The following ASIC2 variants were observed in gnomAD, a reference collection of about 807,000 sequenced individuals.
ASIC2 encodes acid-sensing ion channel 2.
ASIC2 carries 25 observed loss-of-function variants against 57.3 expected under a neutral mutation model. That is an observed-to-expected ratio of 0.44 (90% CI 0.32 to 0.61). The LOEUF (loss-of-function observed/expected upper bound fraction) is 0.61. ASIC2 is among the 20% of genes least tolerant of loss of function. The pLI, the probability that ASIC2 is intolerant of heterozygous loss-of-function variation, is 0.06. For missense variants in ASIC2, 641 were observed against 738.1 expected (o/e 0.87, Z 1.52); for synonymous variants, 319 against 307.5 (o/e 1.04, Z -0.39).
chr17:33,276,180 A>G (rs1451454991), intron 1 of ASIC2, among the ~76,000 whole-genome samples: 1 of 152,208 alleles, frequency 6.6e-6, no homozygotes, highest in Non-Finnish European at 1.5e-5. Context: ...AAGGTACTCA[A>G]TAAATGTATG....
At chr17:33,630,081 C>T (rs1191321490) in intron 1 of ASIC2, among the ~76,000 whole-genome samples, 1 of 152,194 alleles carries the variant, frequency 6.6e-6, no homozygotes, top group Non-Finnish European at 1.5e-5. Flanking sequence ...CATCTCTCTA[C>T]TTTTCACACA....
At chr17:33,203,142 T>C (rs1174236942) in intron 1 of ASIC2, among the ~76,000 whole-genome samples, 1 of 152,226 alleles carries the variant, frequency 6.6e-6, no homozygotes, top group Non-Finnish European at 1.5e-5. Context: ...CCTTTCATCC[T>C]TACCCATAGC....
At chr17:33,347,457 C>T (rs1248555710) in intron 1 of ASIC2, among the ~76,000 whole-genome samples, 1 of 152,026 alleles carries the variant, frequency 6.6e-6, no homozygotes, top group African/African-American at 2.4e-5. Flanking sequence ...CAGGCAACAC[C>T]AAGTGCCGGT....
Position 33,593,933 on chromosome 17 carries a change from A to C in ASIC2, c.556-481866T>G, listed in dbSNP as rs141419568. 1.6e-3 allele frequency among the ~76,000 whole-genome samples: 240 copies of C among 152,308 alleles called. 1 individual carries two copies. The highest frequency in any genetic ancestry group is 5.7e-3 in the African/African-American group (236 of 41,572). On this transcript the variant is annotated intron_variant, in intron 1 of 9. Coordinates refer to the ASIC2 transcript ENST00000359872. Reference sequence around the variant, plus strand: ...CCTGCTAATAAATCAATATTCAGGGAGTTTTAAAGACCTCTGTAAGGGCCA... The same window carrying C: ...CCTGCTAATAAATCAATATTCAGGGCGTTTTAAAGACCTCTGTAAGGGCCA...
intron 1 of ASIC2, among the ~76,000 whole-genome samples, chr17:33,115,063 T>C (rs2092275513): frequency 6.6e-6 from 1 of 152,192 alleles, no homozygotes; most frequent in African/African-American, 2.4e-5. Context: ...GAGTAGAGAC[T>C]TGTTCCCCAT....
In ASIC2 at chr17:33,021,290, T is replaced by C; in HGVS notation, c.1370A>G (p.Asp457Gly). 6.2e-7 allele frequency: 1 copy of C among 1,612,024 alleles called. No homozygotes were observed. The highest frequency in any genetic ancestry group is 8.5e-7 in the Non-Finnish European group (1 of 1,179,602). ...ATAATTGAGAGCTTCAAAAAATATATCCAGAACAAGGATGTTCTCTCTGCA... is the reference window on the plus strand; with the variant it reads ...ATAATTGAGAGCTTCAAAAAATATACCCAGAACAAGGATGTTCTCTCTGCA... ...KYISENILVLDIFFEALNYET... is the reference protein window; with the variant it reads ...KYISENILVLGIFFEALNYET... The change falls in exon 7 of 10, where the codon GAT becomes GGT. Residue 457 changes from aspartate to glycine, a missense_variant. By Grantham distance (94) the Asp-to-Gly change is moderately conservative. Transcript: ENST00000225823.
At chr17:33,056,857 C>T (rs1192477721) in intron 3 of ASIC2, among the ~76,000 whole-genome samples, 1 of 152,176 alleles carries the variant, frequency 6.6e-6, no homozygotes. Context: ...GAGAGGGGTT[C>T]ACATATGCTG....
intron 1 of ASIC2, among the ~76,000 whole-genome samples, chr17:33,652,451 C>T (rs1032320455): frequency 5.9e-5 from 9 of 152,164 alleles, no homozygotes; most frequent in Admixed American, 3.3e-4. Context: ...TTATTCAATC[C>T]TCGCAATAAC....
chr17:33,797,944 G>C (rs1002906519), intron 1 of ASIC2, among the ~76,000 whole-genome samples: 1 of 152,188 alleles, frequency 6.6e-6, no homozygotes, highest in Non-Finnish European at 1.5e-5. Flanking sequence ...TGGCTCAGCT[G>C]TACAGAGCCT....
intron 1 of ASIC2, among the ~76,000 whole-genome samples, chr17:33,600,370 A>G (rs1004888887): frequency 6.6e-6 from 1 of 152,228 alleles, no homozygotes; most frequent in Non-Finnish European, 1.5e-5. Context: ...TAGCTTCTAG[A>G]ACCATGAGCC....
chr17:33,239,027 C>T (rs1164868025), intron 1 of ASIC2, among the ~76,000 whole-genome samples: 3 of 150,458 alleles, frequency 2.0e-5, no homozygotes, highest in Non-Finnish European at 4.4e-5. Context: ...AACAAACAAA[C>T]AAAAAGTCTT....
intron 1 of ASIC2, among the ~76,000 whole-genome samples, chr17:34,011,999 G>A (rs1050015722): frequency 6.6e-6 from 1 of 152,112 alleles, no homozygotes; most frequent in Non-Finnish European, 1.5e-5. Flanking sequence ...CCTCCAGGAG[G>A]CCAGACTGAA....
chr17:33,359,616 CT>C (rs1381447245), intron 1 of ASIC2, among the ~76,000 whole-genome samples: 1 of 152,222 alleles, frequency 6.6e-6, no homozygotes, highest in Non-Finnish European at 1.5e-5. Flanking sequence ...CCAAAAACTT[CT>C]CCCCTAAAGC....
intron 1 of ASIC2, among the ~76,000 whole-genome samples, chr17:33,218,131 C>T (rs1225155483): frequency 6.6e-6 from 1 of 152,210 alleles, no homozygotes; most frequent in Non-Finnish European, 1.5e-5. Context: ...TAAAATAAAT[C>T]GGCCGTGCTG....
At chr17:34,083,956 C>T (rs1232620134) in intron 1 of ASIC2, among the ~76,000 whole-genome samples, 4 of 151,864 alleles carry the variant, frequency 2.6e-5, no homozygotes, top group Non-Finnish European at 4.4e-5. Flanking sequence ...TGAAAATTTT[C>T]TCCCATTCTG....
intron 1 of ASIC2, among the ~76,000 whole-genome samples, chr17:33,288,715 GAC>G (rs56013728): frequency 0.22 from 30,965 of 143,164 alleles, 3,262 homozygotes; most frequent in Admixed American, 0.26. Context: ...AGCTCTCTCT[GAC>G]ACACACACAC....
chr17:34,146,265 A>C (rs939581791), intron 1 of ASIC2, among the ~76,000 whole-genome samples: 2 of 152,206 alleles, frequency 1.3e-5, no homozygotes, highest in African/African-American at 2.4e-5. Flanking sequence ...CAGGTTTAAA[A>C]GATTTTTGAA....
At chr17:33,834,775 C>T (rs569430121) in intron 1 of ASIC2, among the ~76,000 whole-genome samples, 14 of 152,268 alleles carry the variant, frequency 9.2e-5, no homozygotes, top group African/African-American at 3.4e-4. Context: ...AGAGTGCTGC[C>T]TCTGTCTCTC....
chr17:34,015,784 G>A (rs1024395700), intron 1 of ASIC2, among the ~76,000 whole-genome samples: 5 of 152,190 alleles, frequency 3.3e-5, no homozygotes, highest in East Asian at 1.9e-4. Context: ...ATAGTAAGAC[G>A]TTTAGGTTAA....
Sources: gnomAD v4.1 joint callset for allele counts (sites outside exome capture counted in the v4.1 genomes callset) on GRCh38, gnomAD v4.1.1 for gene constraint, MANE v1.5 for transcripts, NCBI Gene and HGNC (gene_info 2026-07-23, HGNC 2026-07-21) for gene names.